Variants in STX18 observed in about 807,000 individuals in gnomAD.
STX18 encodes syntaxin 18.
A neutral mutation model predicts 50.1 loss-of-function variants in STX18; 40 were observed. That is an observed-to-expected ratio of 0.80 (90% CI 0.62 to 1.04). The LOEUF is 1.04. Ranked by LOEUF, STX18 falls within the 50% of genes least tolerant of loss-of-function variation. The pLI is 0.00. For missense variants in STX18, 410 were observed against 415.8 expected (o/e 0.99, Z 0.12); for synonymous variants, 158 against 151.8 (o/e 1.04, Z -0.30).
chr4:4,471,463 G>GGACATGGAGTA (rs1256519949), intron 2 of STX18, among the ~76,000 whole-genome samples, 176 bp downstream of exon 2: 1 of 152,188 alleles, frequency 6.6e-6, no homozygotes, highest in East Asian at 1.9e-4. Flanking sequence ...ATGACTTTGA[G>GGACATGGAGTA]GACATGGAGT....
intron 1 of STX18, among the ~76,000 whole-genome samples, chr4:4,497,653 C>T (rs1729242115): frequency 6.6e-6 from 1 of 152,148 alleles, no homozygotes; most frequent in South Asian, 2.1e-4. Context: ...TGCTCAATAT[C>T]CCTCAGCTAG....
chr4:4,434,766 T>A lies in STX18; in HGVS notation c.702+4A>T. 6.2e-7 allele frequency: 1 copy of A among 1,602,466 alleles called. No homozygotes were observed. Among genetic ancestry groups the A allele is most frequent in the Non-Finnish European group, 8.5e-7 (1 of 1,175,746 alleles). ...ATAAATAATTAGGCAGAGAATAGCA[T>A]TACCATTTGTATTTCTTCTGGGGAT... On this transcript the variant is annotated splice_donor_region_variant and intron_variant, in intron 7 of 10. Transcript: ENST00000306200.
chr4:4,483,608 T>C (rs1412917747), intron 1 of STX18, among the ~76,000 whole-genome samples: 1 of 152,178 alleles, frequency 6.6e-6, no homozygotes, highest in Admixed American at 6.5e-5. Context: ...ACTATTTGCC[T>C]AGAACAGGCT....
intron 3 of STX18, 128 bp from the exon 4 acceptor site, chr4:4,457,628 T>C (rs1727149936): frequency 1.6e-5 from 11 of 686,720 alleles, no homozygotes; most frequent in Non-Finnish European, 2.5e-5. Context: ...ACAAGTCTTG[T>C]GCCAAGTGAC....
At chr4:4,435,890 A>C (rs1184861145) in intron 6 of STX18, among the ~76,000 whole-genome samples, 1 of 152,202 alleles carries the variant, frequency 6.6e-6, no homozygotes, top group Non-Finnish European at 1.5e-5. Context: ...AGGTCTGTGC[A>C]GTTCATCACC....
At chr4:4,476,914 C>T (rs1435125837) in intron 1 of STX18, among the ~76,000 whole-genome samples, 1 of 151,976 alleles carries the variant, frequency 6.6e-6, no homozygotes, top group Non-Finnish European at 1.5e-5. Flanking sequence ...TTTAAAAAAT[C>T]TCGGGGCTTG....
intron 1 of STX18, among the ~76,000 whole-genome samples, chr4:4,472,900 T>C (rs1364875665): frequency 6.6e-6 from 1 of 152,236 alleles, no homozygotes; most frequent in African/African-American, 2.4e-5. Context: ...TAGACTCTTA[T>C]TATAAATGTG....
chr4:4,436,841 T>A (rs557382057), intron 6 of STX18, among the ~76,000 whole-genome samples: 7 of 152,268 alleles, frequency 4.6e-5, no homozygotes, highest in Admixed American at 2.0e-4. Flanking sequence ...TTACTGACTA[T>A]ATCCCACCCA....
intron 7 of STX18, among the ~76,000 whole-genome samples, chr4:4,430,496 A>C (rs1428843568): frequency 6.6e-6 from 1 of 152,256 alleles, no homozygotes; most frequent in Non-Finnish European, 1.5e-5. Flanking sequence ...ATCCTCTTGC[A>C]GTAACACAAT....
intron 1 of STX18, among the ~76,000 whole-genome samples, chr4:4,491,773 A>C (rs145600086): frequency 6.6e-6 from 1 of 152,270 alleles, no homozygotes; most frequent in Non-Finnish European, 1.5e-5. Flanking sequence ...GCGCAGCCAC[A>C]GTGTAATATA....
At chr4:4,473,110 C>G (rs1728005070) in intron 1 of STX18, among the ~76,000 whole-genome samples, 1 of 152,132 alleles carries the variant, frequency 6.6e-6, no homozygotes, top group Non-Finnish European at 1.5e-5. Flanking sequence ...TCTTACTGTT[C>G]TCATTAACCA....
At chr4:4,535,390 ACT>A (rs1256683957) in intron 1 of STX18, among the ~76,000 whole-genome samples, 3 of 151,914 alleles carry the variant, frequency 2.0e-5, no homozygotes, top group African/African-American at 4.8e-5. Flanking sequence ...TCTCATGAAA[ACT>A]CTGCAGTGCT....
At chr4:4,482,194 T>C (rs1728494005) in intron 1 of STX18, among the ~76,000 whole-genome samples, 1 of 152,238 alleles carries the variant, frequency 6.6e-6, no homozygotes, top group African/African-American at 2.4e-5. Flanking sequence ...AGTTCAGCCC[T>C]TGGCTCTTTC....
intron 1 of STX18, among the ~76,000 whole-genome samples, chr4:4,510,191 G>T (rs1392435856): frequency 1.3e-5 from 2 of 152,174 alleles, no homozygotes; most frequent in African/African-American, 4.8e-5. Context: ...GACACAAAGA[G>T]AAACTCAGCT....
intron 1 of STX18, among the ~76,000 whole-genome samples, chr4:4,523,948 CT>C (rs1387786076): frequency 6.6e-6 from 1 of 152,194 alleles, no homozygotes; most frequent in Non-Finnish European, 1.5e-5. Context: ...CCTTTAACCC[CT>C]CCCACTGAGT....
In STX18 at chr4:4,457,453, C is replaced by T. The variant is rs370164301; in HGVS notation, c.400G>A (p.Val134Ile). ...SQQVKEHRTA[V>I]LDFIEDYLKR... ...AAGTAATCTTCAATGAAATCCAAAA[C>T]AGCGGTCCTGTGCTCCTTCACTTGC... Residue 134 changes from valine (V) to isoleucine (I), a missense_variant, in exon 4 of 11, where the codon GTT becomes ATT. By Grantham distance (29) the Val-to-Ile change is conservative. Transcript: ENST00000306200. 18 of 1,613,778 alleles carry T rather than the reference C, an allele frequency of 1.1e-5. No homozygotes were observed. In the African/African-American group the frequency reaches 2.3e-4, roughly 20 times the overall value.
intron 5 of STX18, among the ~76,000 whole-genome samples, chr4:4,445,125 C>A (rs755877413): frequency 1.3e-5 from 2 of 151,914 alleles, no homozygotes; most frequent in Non-Finnish European, 1.5e-5. Flanking sequence ...AAAAAGGTCA[C>A]GTGCAGTGGC....
intron 1 of STX18, among the ~76,000 whole-genome samples, chr4:4,539,976 C>A (rs1731504223): frequency 6.6e-6 from 1 of 152,050 alleles, no homozygotes; most frequent in Non-Finnish European, 1.5e-5. Context: ...TAGAAGGGAC[C>A]CTTAAAAAGC....
intron 1 of STX18, among the ~76,000 whole-genome samples, chr4:4,496,591 G>A (rs1197808136): frequency 6.6e-6 from 1 of 152,138 alleles, no homozygotes; most frequent in Non-Finnish European, 1.5e-5. Context: ...TTGCGCTAAG[G>A]AGGAAAAGCT....
Sources: gnomAD v4.1 joint callset for allele counts (sites outside exome capture counted in the v4.1 genomes callset) on GRCh38, gnomAD v4.1.1 for gene constraint, MANE v1.5 for transcripts, NCBI Gene and HGNC (gene_info 2026-07-23, HGNC 2026-07-21) for gene names.